Variants in IFT172 observed in about 807,000 individuals in gnomAD.
IFT172 encodes intraflagellar transport protein 172 homolog.
A neutral mutation model predicts 248.9 loss-of-function variants in IFT172; 164 were observed. That is an observed-to-expected ratio of 0.66 (90% confidence interval 0.58 to 0.75). The LOEUF (loss-of-function observed/expected upper bound fraction) is 0.75, where lower values mean the gene tolerates loss of function less well. Among genes scored for constraint, IFT172 ranks in the 30% least tolerant of loss-of-function variants. The probability of loss-of-function intolerance (pLI) is 0.00; values close to 1 mark genes in which losing one functional copy is unlikely to be tolerated. For missense variants in IFT172, 1,950 were observed against 2,192.4 expected (o/e 0.89, Z 2.21); for synonymous variants, 729 against 791.6 (o/e 0.92, Z 1.33).
In IFT172 at chr2:27,454,775, A is replaced by G; in HGVS notation, c.3372-115T>C. ...GGGAGAAAAAGTGACAGATTTAAGG[A>G]TAACAAATATGAAGTGACAGAAAAG... is the stretch of plus-strand genomic sequence containing the variant. On this transcript the variant is annotated intron_variant, in intron 30 of 47. Coordinates refer to ENST00000260570, the MANE Select transcript of IFT172 (RefSeq NM_015662.3). This position sits in a 1 kb window ranked among gnomAD's most constrained non-coding sequence, Gnocchi z 4.2. 1.2e-6 allele frequency: 1 copy of G among 859,824 alleles called. No homozygotes were observed. Among genetic ancestry groups the G allele is most frequent in the South Asian group, 1.6e-5 (1 of 64,328 alleles). 53.3% of individuals were successfully genotyped at this position (859,824 alleles called of 1,614,324 possible). A position where few individuals can be genotyped will look rare whatever the true frequency, so the allele number is the denominator to read the frequency against.
rs186366012 is a variant in IFT172 at position 27,474,424 on chromosome 2, G to A, written c.1412-2062C>T. Among the ~76,000 whole-genome samples, 250 of 152,154 alleles carry A rather than the reference G, an allele frequency of 1.6e-3. 2 individuals are homozygous for A. The highest frequency in any genetic ancestry group is 6.0e-3 in the Admixed American group (91 of 15,292). ...ATATGGAAAAAAATAAAATTAGATC[G>A]CTACCCACATTATACATAAAAACAA... is the stretch of plus-strand genomic sequence containing the variant. On this transcript the variant is annotated intron_variant, in intron 14 of 47. Transcript: ENST00000260570.
intron 16 of IFT172, among the ~76,000 whole-genome samples, chr2:27,469,928 G>A (rs1667425864): frequency 6.6e-6 from 1 of 152,162 alleles, no homozygotes; most frequent in South Asian, 2.1e-4. Context: ...GAAAGTTAAA[G>A]TCTTGTATTG....
chr2:27,449,755 C>T lies in IFT172; in HGVS notation c.4096G>A (p.Asp1366Asn), dbSNP rs776240963. ...CACTCCTCACCCTCGATGAAAGCAT[C>T]GATTGCTTCCTTGACAAGGTCCAGA... Reference protein sequence around the residue: ...LNLDLVKEAIDAFIEGEEWNK... With the variant: ...LNLDLVKEAINAFIEGEEWNK... The change falls in exon 37 of 48, where the codon GAT becomes AAT. Residue 1366 changes from aspartate to asparagine, a missense_variant. Asp to Asn is a conservative substitution (Grantham distance 23, BLOSUM62 1). Coordinates refer to ENST00000260570, the MANE Select transcript of IFT172 (RefSeq NM_015662.3). 13 of 1,613,876 alleles carry T rather than the reference C, an allele frequency of 8.1e-6. No homozygotes were observed. The highest frequency in any genetic ancestry group is 5.0e-5 in the Admixed American group (3 of 59,986).
chr2:27,484,950 C>CAGTG, intron 3 of IFT172, 68 bp downstream of exon 3: 1 of 901,246 alleles, frequency 1.1e-6, no homozygotes, highest in Non-Finnish European at 1.8e-6. Flanking sequence ...TTCCCCTCCC[C>CAGTG]AGTGAGGCAT....
At chr2:27,465,328 G>C (rs571687301) in intron 18 of IFT172, 83 bp downstream of exon 18, 2 of 1,149,870 alleles carry the variant, frequency 1.7e-6, no homozygotes, top group South Asian at 2.5e-5. Flanking sequence ...CTTAACACCG[G>C]ATTGGAGTAG....
At chr2:27,461,870 A>G (rs1666705135) in intron 20 of IFT172, 34 bp from the exon 21 acceptor site, 1 of 1,611,844 alleles carries the variant, frequency 6.2e-7, no homozygotes, top group Non-Finnish European at 8.5e-7. Context: ...GAGGGACACC[A>G]GAAAGATATG....
At chr2:27,474,746 T>C (rs1362270418) in intron 14 of IFT172, among the ~76,000 whole-genome samples, 1 of 152,146 alleles carries the variant, frequency 6.6e-6, no homozygotes, top group Non-Finnish European at 1.5e-5. Context: ...GAGACGGGGT[T>C]TCACCATGTT....
At chr2:27,465,906 C>T (rs1252235218) in intron 16 of IFT172, 24 bp from the exon 17 acceptor site, 2 of 1,613,656 alleles carry the variant, frequency 1.2e-6, no homozygotes, top group Non-Finnish European at 1.7e-6. Flanking sequence ...TCCCCCAACC[C>T]ACCCCAATTT....
At chr2:27,482,983 T>G (rs1668489406) in intron 7 of IFT172, among the ~76,000 whole-genome samples, 1 of 146,068 alleles carries the variant, frequency 6.8e-6, no homozygotes, top group African/African-American at 2.5e-5. Flanking sequence ...AATTTCCTTA[T>G]CCCCTATTCC....
chr2:27,444,564 G>T, intron 47 of IFT172, 43 bp from the exon 48 acceptor site: 1 of 1,499,418 alleles, frequency 6.7e-7, no homozygotes, highest in South Asian at 1.2e-5. Flanking sequence ...TGTTAATGCT[G>T]GAAATACAAA....
Position 27,489,716 on chromosome 2 carries a change from C to A in IFT172, c.-63G>T. On this transcript the variant is annotated 5_prime_UTR_variant, in exon 1 of 48. Coordinates refer to ENST00000260570, the MANE Select transcript of IFT172 (RefSeq NM_015662.3). ...CAACTCCCGTGGTTACCTGGACAACCCGCCACGCAGCCGCAGCGACAGGCA... is the reference window on the plus strand; with the variant it reads ...CAACTCCCGTGGTTACCTGGACAACACGCCACGCAGCCGCAGCGACAGGCA... 2 of 1,330,214 alleles carry A rather than the reference C, an allele frequency of 1.5e-6. No homozygotes were observed. Among genetic ancestry groups the A allele is most frequent in the East Asian group, 2.4e-5 (1 of 42,486 alleles). 82.4% of individuals were successfully genotyped at this position (1,330,214 alleles called of 1,614,324 possible).
intron 7 of IFT172, among the ~76,000 whole-genome samples, chr2:27,481,545 CTTT>C (rs796124268): frequency 7.0e-6 from 1 of 141,882 alleles, no homozygotes. Flanking sequence ...TTTCTTTTTT[CTTT>C]TTTTTTTTTT....
chr2:27,472,724 A>C (rs1667662943), intron 14 of IFT172, among the ~76,000 whole-genome samples: 1 of 152,224 alleles, frequency 6.6e-6, no homozygotes, highest in South Asian at 2.1e-4. Flanking sequence ...AGTCACCCGT[A>C]TATTTGAATG....
chr2:27,473,407 A>AT (rs1269323814), intron 14 of IFT172, among the ~76,000 whole-genome samples: 24 of 137,368 alleles, frequency 1.7e-4, no homozygotes, highest in East Asian at 9.0e-4. Flanking sequence ...ATAAAGCCGT[A>AT]TTTTTTTTTT....
intron 19 of IFT172, 77 bp from the exon 20 acceptor site, chr2:27,462,870 A>C (rs773895842): frequency 8.6e-6 from 12 of 1,403,104 alleles, no homozygotes; most frequent in Non-Finnish European, 1.0e-5. Flanking sequence ...TTGGAAGGCC[A>C]GAAGGATGTA....
intron 7 of IFT172, among the ~76,000 whole-genome samples, 190 bp downstream of exon 7, chr2:27,483,099 G>A (rs963359884): frequency 6.6e-6 from 1 of 151,402 alleles, no homozygotes; most frequent in African/African-American, 2.4e-5. Context: ...AACCTCCTGG[G>A]CTCAAGTGAT....
chr2:27,452,634 A>G (rs530653206), intron 35 of IFT172, among the ~76,000 whole-genome samples: 5 of 152,206 alleles, frequency 3.3e-5, no homozygotes, highest in Admixed American at 2.0e-4. Context: ...ACAAACCTGT[A>G]CAGCACATTT....
chr2:27,464,978 G>A (rs1666981462), intron 18 of IFT172, among the ~76,000 whole-genome samples: 1 of 149,644 alleles, frequency 6.7e-6, no homozygotes, highest in Non-Finnish European at 1.5e-5. Context: ...CTGGAGTACA[G>A]TGGTGCAATC....
intron 8 of IFT172, 58 bp downstream of exon 8, chr2:27,480,988 A>C: frequency 7.2e-7 from 1 of 1,393,004 alleles, no homozygotes; most frequent in Non-Finnish European, 1.0e-6. Context: ...AATTTGGCTA[A>C]AGCAGAGAGT....
Sources: gnomAD v4.1 joint callset for allele counts (sites outside exome capture counted in the v4.1 genomes callset) on GRCh38, gnomAD v4.1.1 for gene constraint, Gnocchi (gnomAD v3.1) non-coding constraint, MANE v1.5 for transcripts, NCBI Gene and HGNC (gene_info 2026-07-23, HGNC 2026-07-21) for gene names.